The following RAB44 variants were observed in gnomAD, a reference collection of about 807,000 sequenced individuals.
RAB44 encodes ras-related protein Rab-44.
Under a neutral mutation model 93.3 loss-of-function variants are expected in RAB44, and 67 were observed. The ratio of observed to expected loss-of-function variants is 0.72; its 90% confidence interval spans 0.59 to 0.88. The LOEUF (loss-of-function observed/expected upper bound fraction) is 0.88, where lower values mean the gene tolerates loss of function less well. Among genes scored for constraint, RAB44 ranks in the 40% least tolerant of loss-of-function variants. RAB44 has a pLI of 0.00. For synonymous variants in RAB44, 427 were observed against 520.3 expected (o/e 0.82, Z 2.44); for missense variants, 1,064 against 1,261.7 (o/e 0.84, Z 2.37).
chr6:36,700,795 T>G (rs1458115585), intron 1 of RAB44, among the ~76,000 whole-genome samples: 2 of 152,208 alleles, frequency 1.3e-5, no homozygotes, highest in Non-Finnish European at 2.9e-5. Flanking sequence ...TTTCTTTGAG[T>G]GTAACCTGCA....
intron 2 of RAB44, among the ~76,000 whole-genome samples, chr6:36,706,221 G>A (rs1360740372): frequency 3.0e-5 from 4 of 131,382 alleles, no homozygotes; most frequent in Non-Finnish European, 6.2e-5. Flanking sequence ...TTAAAAATCT[G>A]TAGTTTGTTC....
At chr6:36,726,402 A>G (rs963569359) in intron 10 of RAB44, among the ~76,000 whole-genome samples, 2 of 152,058 alleles carry the variant, frequency 1.3e-5, no homozygotes, top group African/African-American at 4.8e-5. Context: ...CCACCACCAC[A>G]TCCAGCTAAT....
At chr6:36,702,330 GAGAGAGAGAA>G (rs1762531097) in intron 1 of RAB44, among the ~76,000 whole-genome samples, 1 of 68,908 alleles carries the variant, frequency 1.5e-5, no homozygotes, top group African/African-American at 5.1e-5. Flanking sequence ...GAGAGAGAGA[GAGAGAGAGAA>G]TGTACTTCTG....
intron 9 of RAB44, among the ~76,000 whole-genome samples, chr6:36,724,946 G>A (rs1395678727): frequency 6.6e-6 from 1 of 152,170 alleles, no homozygotes. Context: ...TTGAGGACGG[G>A]ACCAGATAGA....
At position 36,721,830 on chromosome 6, in the gene RAB44, C is replaced by G; in HGVS notation, c.1696C>G (p.Pro566Ala). ...PPTMTERETQPGPSPTTALTG... is the reference protein window; with the variant it reads ...PPTMTERETQAGPSPTTALTG... ...CACCATGACTGAGCGGGAAACCCAG[C>G]CCGGACCCTCACCCACAACTGCCCT... The change falls in exon 9 of 14, where the codon CCC becomes GCC. Residue 566 changes from proline (P) to alanine (A), a missense_variant. Coordinates refer to ENST00000612677, the MANE Select transcript of RAB44 (RefSeq NM_001257357.2). 1 of 1,234,772 alleles carries G rather than the reference C, an allele frequency of 8.1e-7. No individual in the cohort carries two copies. The highest frequency in any genetic ancestry group is 1.0e-6 in the Non-Finnish European group (1 of 988,556). The allele number at this position is 1,234,772 out of a possible 1,614,324, so 76.5% of individuals were successfully genotyped here. A position where few individuals can be genotyped will look rare whatever the true frequency, so the allele number is the denominator to read the frequency against.
intron 4 of RAB44, among the ~76,000 whole-genome samples, chr6:36,716,656 G>C (rs907227714): frequency 1.3e-5 from 2 of 152,106 alleles, no homozygotes; most frequent in African/African-American, 4.8e-5. Context: ...GGAGGGTGGG[G>C]CCAGGTGTTG....
Position 36,721,570 on chromosome 6 carries a change from G to A in RAB44, c.1436G>A (p.Arg479His), listed in dbSNP as rs974133109. The change falls in exon 9 of 14, where the codon CGC (arginine) becomes CAC (histidine). Residue 479 changes from arginine (R) to histidine (H), a missense_variant. Physicochemically the swap from Arg to His is conservative, Grantham distance 29. Transcript: ENST00000612677. ...GAGCCAGGGTCCACACCCGAGGGCC[G>A]CCTCCTCTGGGGTCTCTCAGGAAGC... ...NQEPGSTPEGRLLWGLSGSLV... is the reference protein window; with the variant it reads ...NQEPGSTPEGHLLWGLSGSLV... 26 of 1,234,498 alleles carry A rather than the reference G, an allele frequency of 2.1e-5. No homozygotes were observed. The highest frequency in any genetic ancestry group is 1.2e-4 in the African/African-American group (8 of 64,578). 76.5% of individuals were successfully genotyped at this position (1,234,498 alleles called of 1,614,324 possible).
At position 36,715,910 on chromosome 6, in the gene RAB44, T is replaced by G. The variant is rs573956038; in HGVS notation, c.494+257T>G. Among the ~76,000 whole-genome samples the G allele has an allele frequency of 1.3e-4, 20 of 152,242 alleles. No homozygotes were observed. In the South Asian group the frequency reaches 3.9e-3, roughly 30 times the overall value. On this transcript the variant is annotated intron_variant, in intron 4 of 13. Coordinates refer to ENST00000612677, the MANE Select transcript of RAB44 (RefSeq NM_001257357.2). ...AGGATGCCTGCTCATGGGGAGTCCT[T>G]CCCACCCCTGCACCTCCCGGCCCTG...
chr6:36,709,565 C>T (rs1762730708), intron 2 of RAB44, among the ~76,000 whole-genome samples: 2 of 151,670 alleles, frequency 1.3e-5, no homozygotes, highest in South Asian at 4.2e-4. Flanking sequence ...TTGTTGTTGC[C>T]GTTGTTTTGA....
intron 4 of RAB44, among the ~76,000 whole-genome samples, chr6:36,716,493 GAGAT>G (rs1157673715): frequency 5.4e-5 from 8 of 149,044 alleles, no homozygotes; most frequent in Non-Finnish European, 6.0e-5. Context: ...AAAAAAGAGA[GAGAT>G]AGAAAGGGAG....
At chr6:36,727,391 C>T (rs1439534725) in intron 10 of RAB44, among the ~76,000 whole-genome samples, 186 bp from the exon 11 acceptor site, 3 of 152,188 alleles carry the variant, frequency 2.0e-5, no homozygotes, top group Non-Finnish European at 2.9e-5. Flanking sequence ...CTCCTTGAGA[C>T]CTTTTGAAAT....
intron 12 of RAB44, among the ~76,000 whole-genome samples, chr6:36,729,377 T>C (rs567945836): frequency 1.1e-4 from 17 of 152,176 alleles, no homozygotes; most frequent in African/African-American, 1.2e-4. Flanking sequence ...CAACCCCTCT[T>C]GGCATCTTCC....
At position 36,717,726 on chromosome 6, in the gene RAB44, C is replaced by T. The variant is rs546549475; in HGVS notation, c.642-302C>T. Among the ~76,000 whole-genome samples, 10 of 65,294 alleles carry T rather than the reference C, an allele frequency of 1.5e-4. No individual in the cohort carries two copies. The highest frequency in any genetic ancestry group is 1.4e-3 in the East Asian group (3 of 2,210). The allele number at this position is 65,294 out of a possible 152,430, so 42.8% of individuals were successfully genotyped here. The stretch of plus-strand genomic sequence containing the variant: ...GAGTTGGGTTATAAGGGCAGGAGGA[C>T]GGTGAAAGAGGGAGTGGGGACTGAG... On this transcript the variant is annotated intron_variant, in intron 5 of 13. Coordinates refer to ENST00000612677, the MANE Select transcript of RAB44 (RefSeq NM_001257357.2). The surrounding 1 kb of genome is among the most constrained non-coding windows in gnomAD (Gnocchi z 4.1).
chr6:36,704,089 G>A, intron 1 of RAB44, 135 bp from the exon 2 acceptor site: 3 of 761,024 alleles, frequency 3.9e-6, no homozygotes, highest in South Asian at 3.5e-5. Flanking sequence ...AGGACCCGGC[G>A]GGACACCATC....
At position 36,731,320 on chromosome 6, in the gene RAB44, C is replaced by T. The variant is rs1166267779; in HGVS notation, c.2975+571C>T. Among the ~76,000 whole-genome samples the T allele has an allele frequency of 6.6e-6, 1 of 152,142 alleles. No individual in the cohort carries two copies. Among genetic ancestry groups the T allele is most frequent in the East Asian group, 1.9e-4 (1 of 5,194 alleles). On this transcript the variant is annotated intron_variant, in intron 13 of 13. Coordinates refer to ENST00000612677, the MANE Select transcript of RAB44 (RefSeq NM_001257357.2). This position sits in a 1 kb window ranked among gnomAD's most constrained non-coding sequence, Gnocchi z 4.0. ...TCCTTCATGGCCCTTCTTGACACGA[C>T]ACATATTAATGATATATGCATTTAT...
chr6:36,716,675 G>A (rs1346915655), intron 4 of RAB44, among the ~76,000 whole-genome samples: 1 of 152,094 alleles, frequency 6.6e-6, no homozygotes, highest in African/African-American at 2.4e-5. Flanking sequence ...TGTGAGGCAG[G>A]CAGGGTAGGA....
chr6:36,723,010 A>G (rs1302918451), intron 9 of RAB44, among the ~76,000 whole-genome samples: 1 of 152,262 alleles, frequency 6.6e-6, no homozygotes, highest in East Asian at 1.9e-4. Flanking sequence ...GCGAGAGTTG[A>G]TGGTGAAAAC....
At chr6:36,711,735 C>A (rs1286532806) in intron 2 of RAB44, among the ~76,000 whole-genome samples, 2 of 151,856 alleles carry the variant, frequency 1.3e-5, no homozygotes, top group African/African-American at 2.4e-5. Context: ...GTATTTCACA[C>A]TGACATAAGA....
At chr6:36,718,755 G>A (rs1007302391) in intron 7 of RAB44, among the ~76,000 whole-genome samples, 167 bp downstream of exon 7, 6 of 152,184 alleles carry the variant, frequency 3.9e-5, no homozygotes, top group African/African-American at 1.4e-4. Context: ...GCACGTAGTA[G>A]GTGCTTTGTG....
Sources: gnomAD v4.1 joint callset for allele counts (sites outside exome capture counted in the v4.1 genomes callset) on GRCh38, gnomAD v4.1.1 for gene constraint, Gnocchi (gnomAD v3.1) non-coding constraint, MANE v1.5 for transcripts, NCBI Gene and HGNC (gene_info 2026-07-23, HGNC 2026-07-21) for gene names.